Variants in CC2D2A observed in about 807,000 individuals in gnomAD.
The protein encoded by CC2D2A is coiled-coil and C2 domain-containing protein 2A.
Under a neutral mutation model 212.9 loss-of-function variants are expected in CC2D2A, and 155 were observed. The observed-to-expected ratio is 0.73, with a 90% CI of 0.64 to 0.83. CC2D2A has a LOEUF of 0.83. Ranked by LOEUF, CC2D2A falls within the 40% of genes least tolerant of loss-of-function variation. The pLI is 0.00. For synonymous variants in CC2D2A, 667 were observed against 686.5 expected (o/e 0.97, Z 0.44); for missense variants, 1,856 against 1,956.2 (o/e 0.95, Z 0.97).
intron 4 of CC2D2A, among the ~76,000 whole-genome samples, chr4:15,500,099 G>GTATCCATATATATATA (rs71179633): frequency 1.4e-5 from 1 of 69,820 alleles, no homozygotes; most frequent in African/African-American, 4.5e-5. Context: ...GTGTGTGTGT[G>GTATCCATATATATATA]TGTGTGTGTA....
intron 2 of CC2D2A, among the ~76,000 whole-genome samples, chr4:15,476,195 G>A (rs1156720985): frequency 6.6e-6 from 1 of 152,226 alleles, no homozygotes; most frequent in African/African-American, 2.4e-5. Flanking sequence ...GCTCTGCTCT[G>A]TGGGCAGACA....
intron 8 of CC2D2A, among the ~76,000 whole-genome samples, chr4:15,512,649 G>A (rs1432568138): frequency 3.9e-5 from 6 of 152,252 alleles, no homozygotes; most frequent in South Asian, 2.1e-4. Flanking sequence ...TAATGCCACT[G>A]AACTGTTCAC....
At chr4:15,480,902 T>C (rs1714598466) in intron 4 of CC2D2A, 75 bp downstream of exon 4, 6 of 1,513,916 alleles carry the variant, frequency 4.0e-6, no homozygotes, top group Non-Finnish European at 5.3e-6. Context: ...AGTATAGGGA[T>C]TTTTTATGGG....
intron 11 of CC2D2A, among the ~76,000 whole-genome samples, chr4:15,526,809 G>A (rs1343907598): frequency 6.6e-6 from 1 of 152,186 alleles, no homozygotes; most frequent in African/African-American, 2.4e-5. Context: ...GCAAAGAGAT[G>A]TATCTGATAC....
At chr4:15,576,549 T>C (rs1167593221) in intron 29 of CC2D2A, 1 of 167,946 alleles carries the variant, frequency 6.0e-6, no homozygotes. Context: ...ATTATCTCTG[T>C]TACTAAAGCC....
At chr4:15,504,778 C>G (rs750576172) in intron 6 of CC2D2A, among the ~76,000 whole-genome samples, 1 of 152,176 alleles carries the variant, frequency 6.6e-6, no homozygotes, top group Non-Finnish European at 1.5e-5. Flanking sequence ...ACTGCTTTGT[C>G]TTTAGACCAA....
At chr4:15,500,097 G>GTA (rs1487111003) in intron 4 of CC2D2A, among the ~76,000 whole-genome samples, 5 of 53,020 alleles carry the variant, frequency 9.4e-5, no homozygotes, top group East Asian at 3.6e-4. Context: ...GTGTGTGTGT[G>GTA]TGTGTGTGTG....
rs184401264 is a variant in CC2D2A, at chr4:15,492,633, G to T, written c.248-9796G>T. On this transcript the variant is annotated intron_variant, in intron 4 of 36. Coordinates refer to ENST00000424120, the MANE Select transcript of CC2D2A (RefSeq NM_001378615.1). Reference sequence around the variant, plus strand: ...GTGAGGAGGGGAGATTCTCAGTGAGGTGGGGGACTAAGGGCGGCAGGGACT... The same window carrying T: ...GTGAGGAGGGGAGATTCTCAGTGAGTTGGGGGACTAAGGGCGGCAGGGACT... 2.2e-3 allele frequency: 1,117 copies of T among 518,322 alleles called. 5 individuals carry two copies. The highest frequency in any genetic ancestry group is 6.2e-3 in the South Asian group (352 of 56,496). The allele number at this position is 518,322 out of a possible 1,614,324, so 32.1% of individuals were successfully genotyped here. A position where few individuals can be genotyped will look rare whatever the true frequency, so the allele number is the denominator to read the frequency against.
chr4:15,588,694 G>C (rs1720961055), intron 32 of CC2D2A, among the ~76,000 whole-genome samples: 1 of 152,006 alleles, frequency 6.6e-6, no homozygotes, highest in African/African-American at 2.4e-5. Flanking sequence ...CCCAATAAAA[G>C]AACACTGGGC....
chr4:15,481,567 C>T (rs1292422879), intron 4 of CC2D2A: 1 of 182,266 alleles, frequency 5.5e-6, no homozygotes, highest in Non-Finnish European at 1.2e-5. Flanking sequence ...CTTGCTCCCT[C>T]TCTCACCATG....
chr4:15,550,751 A>G, intron 17 of CC2D2A, 73 bp from the exon 18 acceptor site: 1 of 1,149,028 alleles, frequency 8.7e-7, no homozygotes. Flanking sequence ...TACTAACAAC[A>G]TGGACTGATT....
chr4:15,563,479 A>G lies in CC2D2A; in HGVS notation c.3139A>G (p.Ile1047Val), dbSNP rs928233071. The G allele has an allele frequency of 2.5e-6, 4 of 1,612,578 alleles. No individual in the cohort carries two copies. Among genetic ancestry groups the G allele is most frequent in the Non-Finnish European group, 3.4e-6 (4 of 1,179,406 alleles). ...TGGAGACATAAAGCTGCTGGTGAAC[A>G]TTGTGCGAGCTTACGACATTCCAGT... ...SDGDIKLLVN[I>V]VRAYDIPVRK... The change falls in exon 24 of 37, where the codon ATT becomes GTT. Residue 1047 changes from isoleucine to valine, a missense_variant. By Grantham distance (29) the Ile-to-Val change is conservative. Coordinates refer to ENST00000424120, the MANE Select transcript of CC2D2A (RefSeq NM_001378615.1).
At chr4:15,476,892 C>T (rs546667287) in intron 2 of CC2D2A, among the ~76,000 whole-genome samples, 33 of 152,328 alleles carry the variant, frequency 2.2e-4, no homozygotes, top group Middle Eastern at 3.4e-3. Flanking sequence ...ACTTCTCTCT[C>T]GCTTCAAGGG....
At chr4:15,582,172 T>G (rs1412586100) in intron 30 of CC2D2A, among the ~76,000 whole-genome samples, 1 of 152,098 alleles carries the variant, frequency 6.6e-6, no homozygotes, top group Non-Finnish European at 1.5e-5. Context: ...CAATAAAAGA[T>G]ATAATAGTTA....
intron 28 of CC2D2A, 88 bp downstream of exon 28, chr4:15,570,584 G>A: frequency 1.2e-6 from 1 of 860,746 alleles, no homozygotes; most frequent in Non-Finnish European, 1.9e-6. Flanking sequence ...GCCAGGCGCG[G>A]TGGCTCATGC....
At chr4:15,532,165 T>A (rs1397075297) in intron 13 of CC2D2A, among the ~76,000 whole-genome samples, 1 of 152,222 alleles carries the variant, frequency 6.6e-6, no homozygotes, top group East Asian at 1.9e-4. Flanking sequence ...GCTTTACTGG[T>A]CCTCAAAGAG....
intron 22 of CC2D2A, among the ~76,000 whole-genome samples, chr4:15,560,052 G>A (rs984616583): frequency 3.3e-5 from 5 of 151,216 alleles, no homozygotes; most frequent in African/African-American, 7.3e-5. Context: ...GGCTAGTCTC[G>A]AACTCCTGAG....
intron 4 of CC2D2A, chr4:15,482,121 C>T: frequency 1.2e-5 from 12 of 985,336 alleles, no homozygotes; most frequent in Non-Finnish European, 1.4e-5. Flanking sequence ...TTCCCTATGG[C>T]AAAGTTGGGA....
chr4:15,510,920 A>G (rs1168506578), intron 7 of CC2D2A, among the ~76,000 whole-genome samples: 1 of 152,268 alleles, frequency 6.6e-6, no homozygotes, highest in African/African-American at 2.4e-5. Context: ...ATTGGCCAAT[A>G]AAACAATAAA....
Sources: gnomAD v4.1 joint callset for allele counts (sites outside exome capture counted in the v4.1 genomes callset) on GRCh38, gnomAD v4.1.1 for gene constraint, MANE v1.5 for transcripts, NCBI Gene and HGNC (gene_info 2026-07-23, HGNC 2026-07-21) for gene names.